PEBP4: variants seen among roughly 807,000 people sequenced by gnomAD.
The protein encoded by PEBP4 is phosphatidylethanolamine-binding protein 4.
PEBP4 carries 22 observed loss-of-function variants against 23.9 expected under a neutral mutation model. The ratio of observed to expected loss-of-function variants is 0.92; its 90% CI spans 0.66 to 1.31. PEBP4 has a LOEUF of 1.31. Ranked by LOEUF, PEBP4 falls within the 40% of genes most tolerant of loss-of-function variation. The pLI, the probability that PEBP4 is intolerant of heterozygous loss-of-function variation, is 0.00. For synonymous variants in PEBP4, 112 were observed against 99.3 expected (o/e 1.13, Z -0.76); for missense variants, 324 against 281.7 (o/e 1.15, Z -1.07).
At chr8:22,901,248 T>C (rs893264848) in intron 3 of PEBP4, among the ~76,000 whole-genome samples, 3 of 152,150 alleles carry the variant, frequency 2.0e-5, no homozygotes, top group Non-Finnish European at 4.4e-5. Context: ...TGAAGACTTG[T>C]AGGCAGCAAG....
intron 3 of PEBP4, among the ~76,000 whole-genome samples, chr8:22,919,205 C>G (rs1397127696): frequency 6.6e-6 from 1 of 152,170 alleles, no homozygotes; most frequent in African/African-American, 2.4e-5. Flanking sequence ...ACCAAGGCAG[C>G]ACTGAGGGGA....
intron 4 of PEBP4, among the ~76,000 whole-genome samples, chr8:22,800,937 C>A (rs1806368336): frequency 6.6e-6 from 1 of 152,046 alleles, no homozygotes; most frequent in South Asian, 2.1e-4. Context: ...TTCTTGGACA[C>A]TTTCCTCCTT....
intron 4 of PEBP4, among the ~76,000 whole-genome samples, chr8:22,759,678 T>C (rs763306995): frequency 8.5e-4 from 130 of 152,190 alleles, no homozygotes; most frequent in Non-Finnish European, 1.7e-3. Context: ...GTTGCAATCT[T>C]GATTCCTTTC....
At chr8:22,742,772 C>T (rs1192965065) in intron 4 of PEBP4, among the ~76,000 whole-genome samples, 3 of 152,136 alleles carry the variant, frequency 2.0e-5, no homozygotes, top group African/African-American at 7.2e-5. Context: ...AGAGAGTCCC[C>T]TTTTTCCACC....
intron 4 of PEBP4, among the ~76,000 whole-genome samples, chr8:22,779,390 G>A (rs1368187282): frequency 6.6e-6 from 1 of 152,186 alleles, no homozygotes; most frequent in African/African-American, 2.4e-5. Context: ...AGGCTAGGAG[G>A]TGGTCAAGGG....
intron 3 of PEBP4, among the ~76,000 whole-genome samples, chr8:22,864,388 G>A (rs1348360048): frequency 1.3e-5 from 2 of 152,154 alleles, no homozygotes; most frequent in Non-Finnish European, 2.9e-5. Context: ...TCAGCTCTTT[G>A]AGGACAGGGA....
At chr8:22,713,801 A>G (rs1804357827) in intron 6 of PEBP4, among the ~76,000 whole-genome samples, 1 of 152,130 alleles carries the variant, frequency 6.6e-6, no homozygotes, top group Admixed American at 6.6e-5. Flanking sequence ...AGAATGTCTG[A>G]ATCTCCTTCC....
chr8:22,896,575 C>T (rs918165809), intron 3 of PEBP4, among the ~76,000 whole-genome samples: 7 of 152,280 alleles, frequency 4.6e-5, no homozygotes, highest in East Asian at 1.9e-4. Context: ...TGGAGAACCA[C>T]GTTACCTATT....
At chr8:22,890,289 T>A (rs1183173212) in intron 3 of PEBP4, among the ~76,000 whole-genome samples, 2 of 152,184 alleles carry the variant, frequency 1.3e-5, no homozygotes, top group East Asian at 3.8e-4. Flanking sequence ...GTTCAGTAGG[T>A]CTGGATGGGG....
chr8:22,840,522 A>G (rs1389911306), intron 3 of PEBP4, among the ~76,000 whole-genome samples: 3 of 151,896 alleles, frequency 2.0e-5, no homozygotes, highest in African/African-American at 7.3e-5. Flanking sequence ...GATTACAGAC[A>G]TAAGCCACCG....
intron 3 of PEBP4, among the ~76,000 whole-genome samples, chr8:22,823,375 T>A (rs564491910): frequency 1.3e-5 from 2 of 151,952 alleles, no homozygotes; most frequent in Non-Finnish European, 2.9e-5. Context: ...GCTTTCAAAC[T>A]GGTTTAATAA....
chr8:22,796,749 C>G (rs1236860091), intron 4 of PEBP4, among the ~76,000 whole-genome samples: 5 of 152,100 alleles, frequency 3.3e-5, no homozygotes, highest in Non-Finnish European at 7.4e-5. Context: ...AGTGGCTCCG[C>G]ATGGACATAC....
chr8:22,781,600 G>T (rs1459354472), intron 4 of PEBP4, among the ~76,000 whole-genome samples: 1 of 152,178 alleles, frequency 6.6e-6, no homozygotes, highest in Admixed American at 6.5e-5. Flanking sequence ...GCGGGGGTAG[G>T]AGTTCCCTCC....
intron 3 of PEBP4, among the ~76,000 whole-genome samples, chr8:22,869,675 A>G (rs1213310492): frequency 6.6e-6 from 1 of 152,234 alleles, no homozygotes; most frequent in Non-Finnish European, 1.5e-5. Flanking sequence ...ATGGACTGGG[A>G]TCCGAAACAT....
chr8:22,740,737 G>C (rs141721460), intron 4 of PEBP4, among the ~76,000 whole-genome samples: 2 of 152,294 alleles, frequency 1.3e-5, no homozygotes, highest in East Asian at 3.9e-4. Context: ...TCTCAAGTCA[G>C]ACCCTTCAGA....
At chr8:22,790,028 C>T (rs917707137) in intron 4 of PEBP4, among the ~76,000 whole-genome samples, 3 of 152,196 alleles carry the variant, frequency 2.0e-5, no homozygotes, top group Non-Finnish European at 2.9e-5. Flanking sequence ...CCCCCATGGC[C>T]GCTCCGTCAT....
chr8:22,926,413 T>C (rs1367803004), intron 2 of PEBP4, among the ~76,000 whole-genome samples: 1 of 152,106 alleles, frequency 6.6e-6, no homozygotes, highest in African/African-American at 2.4e-5. Context: ...GGCGCAATCA[T>C]GGCTCAGACC....
intron 4 of PEBP4, among the ~76,000 whole-genome samples, chr8:22,765,148 C>CCTTCCTTT (rs1434476242): frequency 4.5e-4 from 67 of 149,452 alleles, no homozygotes; most frequent in Non-Finnish European, 8.3e-4. Context: ...TTCCTTCCTT[C>CCTTCCTTT]CTTTCTTTCT....
intron 3 of PEBP4, among the ~76,000 whole-genome samples, chr8:22,917,350 C>T (rs1299353434): frequency 6.6e-6 from 1 of 152,172 alleles, no homozygotes; most frequent in Admixed American, 6.5e-5. Context: ...CCTCCAGCCT[C>T]ACCAGTCATG....
Sources: gnomAD v4.1 joint callset for allele counts (sites outside exome capture counted in the v4.1 genomes callset) on GRCh38, gnomAD v4.1.1 for gene constraint, MANE v1.5 for transcripts, NCBI Gene and HGNC (gene_info 2026-07-23, HGNC 2026-07-21) for gene names.